Variants in GAS2 observed in about 807,000 individuals in gnomAD.
The protein encoded by GAS2 is growth arrest-specific protein 2.
Under a neutral mutation model 37.5 loss-of-function variants are expected in GAS2, and 20 were observed. The observed-to-expected ratio is 0.53, with a 90% CI of 0.37 to 0.77. The LOEUF (loss-of-function observed/expected upper bound fraction) is 0.77. GAS2 is among the 30% of genes least tolerant of loss of function. The pLI, the probability that GAS2 is intolerant of heterozygous loss-of-function variation, is 0.00. For missense variants in GAS2, 336 were observed against 373.4 expected (o/e 0.90, Z 0.82); for synonymous variants, 144 against 132.2 (o/e 1.09, Z -0.61).
At chr11:22,689,685 C>A (rs1205159390) in intron 3 of GAS2, among the ~76,000 whole-genome samples, 3 of 152,044 alleles carry the variant, frequency 2.0e-5, no homozygotes, top group Admixed American at 1.3e-4. Context: ...AATCTAAATA[C>A]AAATTTAAAC....
chr11:22,682,888 GAAAAAAAAAA>G (rs57025584), intron 2 of GAS2, among the ~76,000 whole-genome samples: 3,372 of 102,318 alleles, frequency 0.033, 64 homozygotes, highest in East Asian at 0.11. Flanking sequence ...AAAAAAAAAG[GAAAAAAAAAA>G]AAAAAAGAGA....
chr11:22,651,048 A>G (rs565329619), intron 1 of GAS2, among the ~76,000 whole-genome samples: 1 of 152,310 alleles, frequency 6.6e-6, no homozygotes, highest in East Asian at 1.9e-4. Flanking sequence ...ATTTTGCAGC[A>G]GCTGGTATCG....
intron 1 of GAS2, among the ~76,000 whole-genome samples, chr11:22,655,677 A>G (rs1282724259): frequency 6.6e-6 from 1 of 152,240 alleles, no homozygotes; most frequent in East Asian, 1.9e-4. Flanking sequence ...TTTCACTTAT[A>G]AAATCTGCCT....
chr11:22,733,684 A>G (rs1363355272), intron 4 of GAS2, among the ~76,000 whole-genome samples: 1 of 151,630 alleles, frequency 6.6e-6, no homozygotes, highest in East Asian at 1.9e-4. Flanking sequence ...AATAGAATCT[A>G]GGTTATGAGA....
chr11:22,690,652 TAAATG>T (rs1383504545), intron 3 of GAS2, among the ~76,000 whole-genome samples: 2 of 152,184 alleles, frequency 1.3e-5, no homozygotes, highest in African/African-American at 4.8e-5. Flanking sequence ...GGCAAAAATA[TAAATG>T]AAATGAATCT....
At chr11:22,733,440 C>G (rs1354701600) in intron 4 of GAS2, among the ~76,000 whole-genome samples, 2 of 151,726 alleles carry the variant, frequency 1.3e-5, no homozygotes. Context: ...GTTGTAACCT[C>G]TAGTTATATA....
chr11:22,810,505 C>A (rs1484284754), intron 7 of GAS2, among the ~76,000 whole-genome samples: 1 of 152,164 alleles, frequency 6.6e-6, no homozygotes, highest in Non-Finnish European at 1.5e-5. Flanking sequence ...GCTGGTTTCA[C>A]TTTCTGTTCT....
At chr11:22,790,621 G>A (rs911994249) in intron 7 of GAS2, among the ~76,000 whole-genome samples, 10 of 129,924 alleles carry the variant, frequency 7.7e-5, no homozygotes, top group South Asian at 6.9e-4. Context: ...ACAGAGTCTC[G>A]CTCAGTCACC....
At chr11:22,771,685 TATAAG>T (rs1355031588) in intron 7 of GAS2, among the ~76,000 whole-genome samples, 1 of 152,174 alleles carries the variant, frequency 6.6e-6, no homozygotes, top group Admixed American at 6.5e-5. Flanking sequence ...GCAAAATAAT[TATAAG>T]AGAAACCCCA....
At chr11:22,667,579 G>C (rs1220002115) in intron 1 of GAS2, among the ~76,000 whole-genome samples, 1 of 152,132 alleles carries the variant, frequency 6.6e-6, no homozygotes, top group Non-Finnish European at 1.5e-5. Flanking sequence ...ACTGGAATCT[G>C]AAATTGTTTG....
chr11:22,745,013 G>T (rs189654859), intron 5 of GAS2, among the ~76,000 whole-genome samples: 28 of 149,920 alleles, frequency 1.9e-4, no homozygotes, highest in African/African-American at 5.1e-4. Context: ...CATTAAAACG[G>T]CCATACTGCC....
At chr11:22,725,713 C>A (rs1422838210) in intron 3 of GAS2, among the ~76,000 whole-genome samples, 1 of 152,148 alleles carries the variant, frequency 6.6e-6, no homozygotes, top group African/African-American at 2.4e-5. Flanking sequence ...CATGAGCCAC[C>A]ACACACAGCA....
In GAS2 at chr11:22,739,489, C is replaced by T. The variant is rs182377464; in HGVS notation, c.473+1721C>T. ...TCGGGAGGCTGAGGCAGGAAAATGG[C>T]GTGAACCTGGGAGGCGGAGCTTGCA... On this transcript the variant is annotated intron_variant, in intron 5 of 7. Transcript: ENST00000454584. Among the ~76,000 whole-genome samples the T allele has an allele frequency of 6.9e-3, 971 of 139,858 alleles. 10 individuals are homozygous for T. The highest frequency in any genetic ancestry group is 0.013 in the Admixed American group (168 of 12,638). 91.8% of individuals were successfully genotyped at this position (139,858 alleles called of 152,430 possible). A position where few individuals can be genotyped will look rare whatever the true frequency, so the allele number is the denominator to read the frequency against.
At chr11:22,791,733 T>G (rs1856173421) in intron 7 of GAS2, among the ~76,000 whole-genome samples, 1 of 152,072 alleles carries the variant, frequency 6.6e-6, no homozygotes, top group South Asian at 2.1e-4. Flanking sequence ...TGAGTTACAC[T>G]ATTGCCAGCT....
intron 3 of GAS2, among the ~76,000 whole-genome samples, chr11:22,714,694 A>G (rs1851575920): frequency 6.6e-6 from 1 of 152,236 alleles, no homozygotes; most frequent in African/African-American, 2.4e-5. Context: ...ATAAAATTGG[A>G]AAATAACTCC....
At chr11:22,811,443 G>T (rs1161218095) in intron 7 of GAS2, among the ~76,000 whole-genome samples, 2 of 152,074 alleles carry the variant, frequency 1.3e-5, no homozygotes, top group African/African-American at 2.4e-5. Context: ...GGGAAAAATG[G>T]AGCACTAAGC....
intron 1 of GAS2, among the ~76,000 whole-genome samples, chr11:22,628,704 G>A (rs190945467): frequency 6.6e-6 from 1 of 152,172 alleles, no homozygotes; most frequent in Non-Finnish European, 1.5e-5. Flanking sequence ...TCAGTGTGGT[G>A]AAGCCTGAGA....
intron 7 of GAS2, among the ~76,000 whole-genome samples, chr11:22,766,870 A>AT (rs149606715): frequency 0.01 from 1,586 of 152,208 alleles, 30 homozygotes; most frequent in African/African-American, 0.036. Flanking sequence ...GTATGGAAGG[A>AT]TTTTCTGAGC....
chr11:22,772,076 G>A (rs1350310859), intron 7 of GAS2, among the ~76,000 whole-genome samples: 2 of 152,074 alleles, frequency 1.3e-5, no homozygotes, highest in East Asian at 3.8e-4. Flanking sequence ...TGTCATACAA[G>A]ATACAAGTAT....
Sources: gnomAD v4.1 joint callset for allele counts (sites outside exome capture counted in the v4.1 genomes callset) on GRCh38, gnomAD v4.1.1 for gene constraint, MANE v1.5 for transcripts, NCBI Gene and HGNC (gene_info 2026-07-23, HGNC 2026-07-21) for gene names.